The following CLEC20A variants were observed in gnomAD, a reference collection of about 807,000 sequenced individuals.
CLEC20A encodes C-type lectin domain containing 20A.
At position 178,479,818 on chromosome 1, in the gene CLEC20A, A is replaced by T. The variant is rs531072639; in HGVS notation, c.1123-203T>A. ...ATTAATTTTGTTAGCAAAAAAAAAA[A>T]TTTAATGACAAAGAACACTAAAACA... is the stretch of plus-strand genomic sequence containing the variant. On this transcript the variant is annotated intron_variant, in intron 7 of 7. Transcript: ENST00000623247. The T allele has an allele frequency of 1.2e-3, 408 of 344,876 alleles. 1 individual carries two copies. Among genetic ancestry groups the T allele is most frequent in the South Asian group, 4.4e-3 (29 of 6,582 alleles). 21.4% of individuals were successfully genotyped at this position (344,876 alleles called of 1,614,324 possible). A position where few individuals can be genotyped will look rare whatever the true frequency, so the allele number is the denominator to read the frequency against.
intron 3 of CLEC20A, among the ~76,000 whole-genome samples, chr1:178,491,968 C>T (rs1176850606): frequency 6.6e-6 from 1 of 152,092 alleles, no homozygotes; most frequent in Non-Finnish European, 1.5e-5. Flanking sequence ...GCCAGTCACC[C>T]TCCCCTCTGG....
upstream of CLEC20A, among the ~76,000 whole-genome samples, chr1:178,497,369 T>C (rs1649424181): frequency 6.6e-6 from 1 of 152,226 alleles, no homozygotes; most frequent in Non-Finnish European, 1.5e-5. Context: ...TGCCCTTGCC[T>C]GGCTGTGTAG....
At chr1:178,492,064 A>G (rs567785731) in intron 3 of CLEC20A, among the ~76,000 whole-genome samples, 75 of 152,218 alleles carry the variant, frequency 4.9e-4, no homozygotes, top group African/African-American at 1.8e-3. Context: ...CAGGTGGATC[A>G]CTAGAGCCCA....
intron 3 of CLEC20A, among the ~76,000 whole-genome samples, chr1:178,492,002 T>C (rs1260557872): frequency 6.6e-6 from 1 of 151,896 alleles, no homozygotes; most frequent in African/African-American, 2.4e-5. Flanking sequence ...ATAAAGACAA[T>C]GGCCGGCTCG....
At chr1:178,482,532 G>A (rs1649016908) in intron 6 of CLEC20A, 135 bp from the exon 7 acceptor site, 1 of 395,976 alleles carries the variant, frequency 2.5e-6, no homozygotes, top group South Asian at 1.4e-4. Flanking sequence ...GAAAGAAACT[G>A]CTGAGCAGAA....
At chr1:178,494,742 G>C (rs1242898656) in exon 2 of CLEC20A, 1 of 399,168 alleles carries the variant, frequency 2.5e-6, no homozygotes, top group Non-Finnish European at 4.4e-6. Context: ...CAGTGCTGCT[G>C]GGCGTCGTAC....
exon 2 of CLEC20A, chr1:178,494,777 A>G (rs1649346479): frequency 2.5e-6 from 1 of 399,298 alleles, no homozygotes; most frequent in East Asian, 3.6e-5. Flanking sequence ...CTTCACCAGA[A>G]CCAAGTCCCT....
At chr1:178,497,904 C>T (rs1649438998), upstream of CLEC20A, among the ~76,000 whole-genome samples, 1 of 151,838 alleles carries the variant, frequency 6.6e-6, no homozygotes, top group Admixed American at 6.6e-5. Flanking sequence ...GAGGCTAGAC[C>T]CCTTGGGTCC....
At chr1:178,488,446 G>A (rs772974643) in intron 5 of CLEC20A, 55 bp downstream of exon 5, 4 of 398,568 alleles carry the variant, frequency 1.0e-5, no homozygotes, top group Non-Finnish European at 1.8e-5. Context: ...AGCCAGCCTT[G>A]CCACTTCCCC....
chr1:178,482,108 A>C (rs1356500070), intron 7 of CLEC20A: 1 of 381,642 alleles, frequency 2.6e-6, no homozygotes, highest in African/African-American at 2.1e-5. Context: ...AAAAAAACTT[A>C]GGAAAGACAT....
At chr1:178,486,427 C>T (rs1384907450) in intron 5 of CLEC20A, 2 of 398,660 alleles carry the variant, frequency 5.0e-6, no homozygotes, top group Admixed American at 8.8e-5. Context: ...GCGACGCAGA[C>T]AGGCACCTGT....
At chr1:178,491,964 C>T (rs1367428527) in intron 3 of CLEC20A, among the ~76,000 whole-genome samples, 1 of 152,032 alleles carries the variant, frequency 6.6e-6, no homozygotes, top group Non-Finnish European at 1.5e-5. Context: ...TTGAGCCAGT[C>T]ACCCTCCCCT....
intron 3 of CLEC20A, among the ~76,000 whole-genome samples, chr1:178,491,675 A>G (rs75953913): frequency 0.011 from 1,745 of 152,240 alleles, 17 homozygotes; most frequent in Middle Eastern, 0.017. Flanking sequence ...ACAACTCTGT[A>G]CTCCATACCA....
intron 7 of CLEC20A, chr1:178,482,082 C>CAAAAAAAAAAAAAAAAAAAA (rs1297176109): frequency 2.5e-5 from 9 of 354,150 alleles, no homozygotes; most frequent in African/African-American, 2.0e-4. Context: ...AACAAAAAAA[C>CAAAAAAAAAAAAAAAAAAAA]AAAAAAACAA....
chr1:178,484,551 G>A (rs12406988), intron 5 of CLEC20A: 26,203 of 151,770 alleles, frequency 0.17, 2,322 homozygotes, highest in South Asian at 0.2. Flanking sequence ...GCGTGGTGGT[G>A]TATGCATATA....
At chr1:178,481,000 T>C (rs1396028821) in intron 7 of CLEC20A, 2 of 152,146 alleles carry the variant, frequency 1.3e-5, no homozygotes, top group Non-Finnish European at 2.9e-5. Flanking sequence ...TGAAGTCTTA[T>C]TACTTGAAAC....
upstream of CLEC20A, among the ~76,000 whole-genome samples, chr1:178,497,668 A>G (rs967602377): frequency 6.6e-6 from 1 of 152,224 alleles, no homozygotes; most frequent in Non-Finnish European, 1.5e-5. Context: ...TTCATTCTGA[A>G]GGCTCCCGGG....
At chr1:178,486,856 C>T (rs912183254) in intron 5 of CLEC20A, 2 of 398,338 alleles carry the variant, frequency 5.0e-6, no homozygotes, top group South Asian at 1.3e-4. Flanking sequence ...AACCAAGGTG[C>T]CCCCCGGGGC....
chr1:178,496,954 T>G (rs1649410520), upstream of CLEC20A: 6 of 400,122 alleles, frequency 1.5e-5, no homozygotes, highest in Non-Finnish European at 2.6e-5. Flanking sequence ...GGGCACTGGC[T>G]GGGCGATGGC....
Sources: allele counts gnomAD v4.1 joint callset (sites outside exome capture counted in the v4.1 genomes callset), GRCh38; gene constraint gnomAD v4.1.1; transcripts MANE v1.5; gene names NCBI Gene and HGNC (gene_info 2026-07-23, HGNC 2026-07-21).